Variants in PTGFRN observed in about 807,000 individuals in gnomAD.
PTGFRN encodes the protein prostaglandin F2 receptor negative regulator.
In PTGFRN, 35 loss-of-function variants were observed where a neutral mutation model predicts 83.2. That is an observed-to-expected ratio of 0.42 (90% CI 0.32 to 0.56). The LOEUF (loss-of-function observed/expected upper bound fraction) is 0.56. PTGFRN is among the 20% of genes least tolerant of loss of function. The pLI is 0.11. For missense variants in PTGFRN, 1,051 were observed against 1,179.5 expected, an observed-to-expected ratio of 0.89 and a Z score of 1.60; for synonymous variants, 519 against 498.6, an observed-to-expected ratio of 1.04 and a Z score of -0.55.
At chr1:116,968,018 T>C (rs1650888496) in intron 6 of PTGFRN, among the ~76,000 whole-genome samples, 1 of 152,210 alleles carries the variant, frequency 6.6e-6, no homozygotes. Context: ...AGGAGGGAAT[T>C]GAGCCTCCCA....
At chr1:116,926,923 C>G (rs1473283466) in intron 1 of PTGFRN, among the ~76,000 whole-genome samples, 2 of 152,178 alleles carry the variant, frequency 1.3e-5, no homozygotes, top group Non-Finnish European at 2.9e-5. Flanking sequence ...TCTTGAAGCA[C>G]TGGCAGGTGG....
At chr1:116,914,079 T>C (rs919342195) in intron 1 of PTGFRN, among the ~76,000 whole-genome samples, 2 of 152,226 alleles carry the variant, frequency 1.3e-5, no homozygotes, top group African/African-American at 4.8e-5. Context: ...TATATAACAA[T>C]GCGAGGGAGA....
At chr1:116,910,398 C>A in intron 1 of PTGFRN, 146 bp downstream of exon 1, 1 of 649,300 alleles carries the variant, frequency 1.5e-6, no homozygotes, top group Non-Finnish European at 2.0e-6. Context: ...GCGGGTTGTT[C>A]GGCCCGGCGG....
At chr1:116,950,307 T>C (rs1650310465) in intron 4 of PTGFRN, among the ~76,000 whole-genome samples, 1 of 152,240 alleles carries the variant, frequency 6.6e-6, no homozygotes, top group Admixed American at 6.5e-5. Flanking sequence ...CTTTTCCTAA[T>C]TTTTGTTATG....
At chr1:116,974,141 C>T in intron 6 of PTGFRN, 75 bp from the exon 7 acceptor site, 1 of 1,152,198 alleles carries the variant, frequency 8.7e-7, no homozygotes, top group East Asian at 2.4e-5. Context: ...ATTTTGATGC[C>T]CCTTAGAGTG....
At position 116,948,583 on chromosome 1, in the gene PTGFRN, C is replaced by G. The variant is rs143145798; in HGVS notation, c.833-609C>G. ...TCTGTTTAGGATTTTTCCCTTTTATCCCTTAGACAGTTTCACCCTCACTTC... is the reference window on the plus strand; with the variant it reads ...TCTGTTTAGGATTTTTCCCTTTTATGCCTTAGACAGTTTCACCCTCACTTC... On this transcript the variant is annotated intron_variant, in intron 3 of 8. Transcript: ENST00000393203. Among the ~76,000 whole-genome samples the G allele has an allele frequency of 2.6e-5, 4 of 152,252 alleles. No individual in the cohort carries two copies. The East Asian group carries it at 7.7e-4, about 29-fold the overall frequency.
At chr1:116,955,252 A>G (rs1650454608) in intron 4 of PTGFRN, among the ~76,000 whole-genome samples, 1 of 152,220 alleles carries the variant, frequency 6.6e-6, no homozygotes. Context: ...TAGGGAGCAG[A>G]TCCCTGCTTC....
rs540677939 is a variant in PTGFRN at position 116,918,310 on chromosome 1, C to T, written c.49+8058C>T. ...GGTTTTCTAACCTCTTTGAATCTCA[C>T]TTTCTGTCTCTGTGAAATGGGAATA... On this transcript the variant is annotated intron_variant, in intron 1 of 8. Coordinates refer to ENST00000393203, the MANE Select transcript of PTGFRN (RefSeq NM_020440.4). The surrounding 1 kb of genome is among the most constrained non-coding windows in gnomAD (Gnocchi z 4.1). Among the ~76,000 whole-genome samples, 1 of 152,306 alleles carries T rather than the reference C, an allele frequency of 6.6e-6. No homozygotes were observed. The highest frequency in any genetic ancestry group is 1.9e-4 in the East Asian group (1 of 5,178).
chr1:116,975,883 G>C (rs748883543), intron 7 of PTGFRN, among the ~76,000 whole-genome samples: 14 of 152,210 alleles, frequency 9.2e-5, no homozygotes, highest in Non-Finnish European at 1.8e-4. Context: ...GAATGATTTT[G>C]ACAAGTTGAG....
chr1:116,961,401 G>A lies in PTGFRN; in HGVS notation c.1372G>A (p.Val458Met). Residue 458 changes from valine to methionine, a missense_variant, in exon 5 of 9, where the codon GTG (valine) becomes ATG (methionine). This residue lies in a region of PTGFRN where 719 missense variants were observed against 836.6 expected (regional missense o/e 0.86). Coordinates refer to ENST00000393203, the MANE Select transcript of PTGFRN (RefSeq NM_020440.4). This position sits in a 1 kb window ranked among gnomAD's most constrained non-coding sequence, Gnocchi z 5.4. ...CAGGATGAACCGGCGCAGCGACAATGTGGTGACCAGCGAGCTGCTTGCAGT... is the reference window on the plus strand; with the variant it reads ...CAGGATGAACCGGCGCAGCGACAATATGGTGACCAGCGAGCTGCTTGCAGT... ...YYRMNRRSDN[V>M]VTSELLAVMD... 1 of 1,611,510 alleles carries A rather than the reference G, an allele frequency of 6.2e-7. No individual in the cohort carries two copies.
rs201790316 is a variant in PTGFRN, at chr1:116,963,950, A to AT, written c.1639+2291dup. Among the ~76,000 whole-genome samples the AT allele has an allele frequency of 1.7e-4, 25 of 149,696 alleles. No individual in the cohort carries two copies. The South Asian group carries it at 1.7e-3, about 10-fold the overall frequency. On this transcript the variant is annotated intron_variant, in intron 5 of 8. Transcript: ENST00000393203. The stretch of plus-strand genomic sequence containing the variant: ...TAGGCCTCTATCATCATGCCTGGCT[A>AT]TTTTTTTTTGGTAGAGACAGGGTCT...
chr1:116,911,268 C>T lies in PTGFRN; in HGVS notation c.49+1016C>T, dbSNP rs193237706. On this transcript the variant is annotated intron_variant, in intron 1 of 8. Transcript: ENST00000393203. Reference sequence around the variant, plus strand: ...ACCTGGCCTGGGGTTCTCTTCCAAGCCCCTAGAGAAGGCGGCTCTGAGTCT... The same window carrying T: ...ACCTGGCCTGGGGTTCTCTTCCAAGTCCCTAGAGAAGGCGGCTCTGAGTCT... 4.0e-3 allele frequency among the ~76,000 whole-genome samples: 611 copies of T among 152,332 alleles called. 18 individuals are homozygous for T. Among genetic ancestry groups the T allele is most frequent in the South Asian group, 0.032 (155 of 4,824 alleles).
intron 7 of PTGFRN, among the ~76,000 whole-genome samples, chr1:116,982,457 T>G (rs532006496): frequency 1.3e-5 from 2 of 152,236 alleles, no homozygotes; most frequent in East Asian, 3.9e-4. Flanking sequence ...AAGGACATGT[T>G]GCATAAGTGA....
At chr1:116,927,009 C>T (rs1002088409) in intron 1 of PTGFRN, among the ~76,000 whole-genome samples, 6 of 152,152 alleles carry the variant, frequency 3.9e-5, no homozygotes, top group Non-Finnish European at 5.9e-5. Flanking sequence ...AGGGTAATCA[C>T]TTAGCCCCGA....
chr1:116,967,083 C>T lies in PTGFRN; in HGVS notation c.1812C>T (p.Tyr604=). The change falls in exon 6 of 9, where the codon TAC becomes TAT. Residue 604 remains tyrosine (Y), a synonymous_variant. Transcript: ENST00000393203. ...GDLSSPNETK[Y]IISLDQDSVV... ...TCTCCAGTCCCAATGAAACGAAGTA[C>T]ATCATCTCTCTGGACCAGGATTCTG... is the stretch of plus-strand genomic sequence containing the variant. 6.2e-7 allele frequency: 1 copy of T among 1,614,238 alleles called. No individual in the cohort carries two copies. Among genetic ancestry groups the T allele is most frequent in the Non-Finnish European group, 8.5e-7 (1 of 1,180,048 alleles).
At chr1:116,924,426 T>A (rs1482430659) in intron 1 of PTGFRN, among the ~76,000 whole-genome samples, 3 of 152,130 alleles carry the variant, frequency 2.0e-5, no homozygotes, top group Non-Finnish European at 4.4e-5. Flanking sequence ...ATTACAGGCG[T>A]GAGCCACCAC....
rs1302752830 is a variant in PTGFRN at position 116,961,398 on chromosome 1, A to G, written c.1369A>G (p.Asn457Asp). 2 of 1,613,612 alleles carry G rather than the reference A, an allele frequency of 1.2e-6. No homozygotes were observed. The highest frequency in any genetic ancestry group is 4.5e-5 in the East Asian group (2 of 44,874). The stretch of plus-strand genomic sequence containing the variant: ...CTACAGGATGAACCGGCGCAGCGAC[A>G]ATGTGGTGACCAGCGAGCTGCTTGC... ...WYYRMNRRSD[N>D]VVTSELLAVM... The change falls in exon 5 of 9, where the codon AAT (asparagine) becomes GAT (aspartate). Residue 457 changes from asparagine to aspartate, a missense_variant. Physicochemically the swap from Asn to Asp is conservative, Grantham distance 23. Around this residue, in one of 3 missense-constraint regions of PTGFRN, gnomAD observed 719 missense variants for 836.6 expected, o/e 0.86. Transcript: ENST00000393203. This position sits in a 1 kb window ranked among gnomAD's most constrained non-coding sequence, Gnocchi z 5.4.
rs949102426 is a variant in PTGFRN at position 116,966,851 on chromosome 1, T to C, written c.1640-60T>C. The C allele has an allele frequency of 4.0e-6, 6 of 1,500,026 alleles. No homozygotes were observed. The South Asian group carries it at 4.0e-5, about 10-fold the overall frequency. The allele number at this position is 1,500,026 out of a possible 1,614,324, so 92.9% of individuals were successfully genotyped here. On this transcript the variant is annotated intron_variant, in intron 5 of 8. Transcript: ENST00000393203. ...TGTTTCTTGGTTATTTTGCTTTTAGTTGCATTTTTATTTTAACTGATCTTG... is the reference window on the plus strand; with the variant it reads ...TGTTTCTTGGTTATTTTGCTTTTAGCTGCATTTTTATTTTAACTGATCTTG...
intron 6 of PTGFRN, among the ~76,000 whole-genome samples, chr1:116,968,123 AC>A (rs1282478672): frequency 8.6e-5 from 13 of 151,998 alleles, no homozygotes; most frequent in African/African-American, 2.9e-4. Flanking sequence ...AAGTATTTAA[AC>A]CCCAATCTTA....
Sources: allele counts gnomAD v4.1 joint callset (sites outside exome capture counted in the v4.1 genomes callset), GRCh38; gene constraint gnomAD v4.1.1; regional missense constraint gnomAD v4.1.1; non-coding constraint Gnocchi (gnomAD v3.1); transcripts MANE v1.5; gene names NCBI Gene and HGNC (gene_info 2026-07-23, HGNC 2026-07-21).